Variants in MEIKIN observed in about 807,000 individuals in gnomAD.
MEIKIN encodes the protein meiosis-specific kinetochore protein.
chr5:131,862,326 T>C (rs1052063057), intron 9 of MEIKIN, among the ~76,000 whole-genome samples: 1 of 151,876 alleles, frequency 6.6e-6, no homozygotes, highest in African/African-American at 2.4e-5. Context: ...TTTATTTGGG[T>C]CTCCTCTCTT....
intron 2 of MEIKIN, 140 bp downstream of exon 2, chr5:131,945,016 T>C (rs934305696): frequency 3.3e-5 from 13 of 398,226 alleles, no homozygotes; most frequent in African/African-American, 2.5e-4. Flanking sequence ...TTGGGGTCCA[T>C]GTTCTGAGAA....
chr5:131,825,730 A>C (rs774287464), intron 11 of MEIKIN, among the ~76,000 whole-genome samples: 2 of 152,262 alleles, frequency 1.3e-5, no homozygotes, highest in Admixed American at 6.5e-5. Flanking sequence ...GACATTCCTA[A>C]GAAGCAGAAT....
At chr5:131,859,475 T>C (rs1750247356) in intron 9 of MEIKIN, among the ~76,000 whole-genome samples, 1 of 152,112 alleles carries the variant, frequency 6.6e-6, no homozygotes, top group African/African-American at 2.4e-5. Flanking sequence ...ATAGAGTGAG[T>C]TCTTACAAGA....
intron 8 of MEIKIN, among the ~76,000 whole-genome samples, chr5:131,909,046 G>A (rs1751290990): frequency 6.6e-6 from 1 of 152,026 alleles, no homozygotes. Flanking sequence ...AAATATCAAT[G>A]AAATTCTTCA....
intron 8 of MEIKIN, among the ~76,000 whole-genome samples, chr5:131,906,704 T>A (rs538012432): frequency 1.3e-5 from 2 of 152,294 alleles, no homozygotes; most frequent in East Asian, 3.9e-4. Flanking sequence ...AATAAGAATA[T>A]GTCCTCAGCA....
chr5:131,886,839 G>A (rs1750806393), intron 8 of MEIKIN, among the ~76,000 whole-genome samples: 1 of 151,692 alleles, frequency 6.6e-6, no homozygotes, highest in Non-Finnish European at 1.5e-5. Flanking sequence ...TAAGTTCTAG[G>A]GTACATGTGC....
intron 12 of MEIKIN, among the ~76,000 whole-genome samples, chr5:131,809,115 A>C (rs1265099304): frequency 6.6e-6 from 1 of 152,132 alleles, no homozygotes; most frequent in Non-Finnish European, 1.5e-5. Flanking sequence ...TGTTTTACAT[A>C]TCTGACTTCC....
chr5:131,830,629 T>C (rs1007545114), intron 11 of MEIKIN, among the ~76,000 whole-genome samples: 1 of 152,166 alleles, frequency 6.6e-6, no homozygotes, highest in Admixed American at 6.5e-5. Context: ...ATTAGCCAAT[T>C]ATAGTTTACC....
chr5:131,811,570 G>A (rs1379790882), intron 12 of MEIKIN, among the ~76,000 whole-genome samples: 9 of 151,664 alleles, frequency 5.9e-5, no homozygotes, highest in Admixed American at 1.3e-4. Flanking sequence ...GCCTCCCAAC[G>A]TGCTGGGATT....
intron 11 of MEIKIN, among the ~76,000 whole-genome samples, chr5:131,829,639 T>C (rs934846047): frequency 6.6e-6 from 1 of 152,200 alleles, no homozygotes; most frequent in Non-Finnish European, 1.5e-5. Flanking sequence ...TTGAATTGTG[T>C]TCTCCTCCCA....
At chr5:131,889,151 T>C (rs1750860248) in intron 8 of MEIKIN, among the ~76,000 whole-genome samples, 1 of 152,178 alleles carries the variant, frequency 6.6e-6, no homozygotes, top group Admixed American at 6.5e-5. Flanking sequence ...GCGTGATGCC[T>C]CCAGCTTTGT....
At chr5:131,934,114 CTAAT>C (rs1751734115) in intron 4 of MEIKIN, among the ~76,000 whole-genome samples, 1 of 151,714 alleles carries the variant, frequency 6.6e-6, no homozygotes, top group African/African-American at 2.4e-5. Flanking sequence ...ACCATCCTGG[CTAAT>C]TATTTTTTTT....
At chr5:131,844,508 T>G (rs1173382288) in intron 11 of MEIKIN, among the ~76,000 whole-genome samples, 1 of 152,094 alleles carries the variant, frequency 6.6e-6, no homozygotes, top group East Asian at 1.9e-4. Flanking sequence ...GAGATGTAGC[T>G]GAGTACTAGG....
intron 8 of MEIKIN, among the ~76,000 whole-genome samples, chr5:131,896,047 A>G (rs1280343145): frequency 6.6e-6 from 1 of 152,092 alleles, no homozygotes; most frequent in Non-Finnish European, 1.5e-5. Context: ...CCCTCTACAT[A>G]CTGCTTTAGC....
At chr5:131,842,211 T>G (rs2149611661) in intron 11 of MEIKIN, among the ~76,000 whole-genome samples, 1 of 152,260 alleles carries the variant, frequency 6.6e-6, no homozygotes, top group Non-Finnish European at 1.5e-5. Flanking sequence ...GTGATCTGCC[T>G]GCCTCGGTCT....
At chr5:131,865,223 GAT>G (rs779099202) in intron 9 of MEIKIN, among the ~76,000 whole-genome samples, 3 of 76,852 alleles carry the variant, frequency 3.9e-5, no homozygotes, top group African/African-American at 1.7e-4. Context: ...GGGATTTTGT[GAT>G]TTTTTTTTTT....
At chr5:131,928,192 A>T (rs1051644443) in intron 5 of MEIKIN, among the ~76,000 whole-genome samples, 4 of 151,962 alleles carry the variant, frequency 2.6e-5, no homozygotes, top group Non-Finnish European at 5.9e-5. Flanking sequence ...TAGACATCAC[A>T]TCATTAGGTC....
At chr5:131,912,784 A>C (rs891669518) in intron 7 of MEIKIN, among the ~76,000 whole-genome samples, 2 of 152,190 alleles carry the variant, frequency 1.3e-5, no homozygotes, top group African/African-American at 4.8e-5. Context: ...CAAAAAGTTC[A>C]GTGTAATATT....
At chr5:131,881,205 G>A (rs1271193071) in intron 8 of MEIKIN, among the ~76,000 whole-genome samples, 1 of 152,204 alleles carries the variant, frequency 6.6e-6, no homozygotes, top group African/African-American at 2.4e-5. Flanking sequence ...TAACCAACAT[G>A]GAGGATAATA....
Sources: allele counts gnomAD v4.1 joint callset (sites outside exome capture counted in the v4.1 genomes callset), GRCh38; gene constraint gnomAD v4.1.1; transcripts MANE v1.5; gene names NCBI Gene and HGNC (gene_info 2026-07-23, HGNC 2026-07-21).